Variants in NCAM2 observed in about 807,000 individuals in gnomAD.
NCAM2 encodes the protein neural cell adhesion molecule 2.
In NCAM2, 30 loss-of-function variants were observed where a neutral mutation model predicts 98.1. That is an observed-to-expected ratio of 0.31 (90% confidence interval 0.23 to 0.41). The LOEUF is 0.41. Among genes scored for constraint, NCAM2 ranks in the 10% least tolerant of loss-of-function variants. NCAM2 has a pLI of 1.00. For synonymous variants in NCAM2, 368 were observed against 342.4 expected (o/e 1.07, Z -0.83); for missense variants, 867 against 1,005.8 (o/e 0.86, Z 1.87).
chr21:21,138,436 A>G (rs2826689), intron 1 of NCAM2, among the ~76,000 whole-genome samples: 54,899 of 151,592 alleles, frequency 0.36, 9,936 homozygotes, highest in East Asian at 0.42. Context: ...TGATTACAGT[A>G]GTCGTAGTTC....
At chr21:21,526,969 T>C (rs950801168) in intron 16 of NCAM2, among the ~76,000 whole-genome samples, 1 of 152,128 alleles carries the variant, frequency 6.6e-6, no homozygotes, top group Non-Finnish European at 1.5e-5. Flanking sequence ...TCATAAAAAT[T>C]AACTCAAAAT....
intron 15 of NCAM2, among the ~76,000 whole-genome samples, chr21:21,490,886 T>A (rs1986796900): frequency 6.6e-6 from 1 of 151,884 alleles, no homozygotes; most frequent in Non-Finnish European, 1.5e-5. Context: ...CTGTGTGTAA[T>A]CCTATGCGTG....
chr21:21,438,978 C>G (rs1039487234), intron 12 of NCAM2, among the ~76,000 whole-genome samples: 2 of 151,966 alleles, frequency 1.3e-5, no homozygotes, highest in African/African-American at 2.4e-5. Flanking sequence ...CTCAGCTACT[C>G]AGGAGGCTGA....
intron 1 of NCAM2, among the ~76,000 whole-genome samples, chr21:21,044,969 T>C (rs531490141): frequency 7.9e-5 from 12 of 152,276 alleles, no homozygotes; most frequent in African/African-American, 2.9e-4. Context: ...GATACAAATA[T>C]ATATGTGTGT....
chr21:21,403,857 A>G (rs74630257), intron 9 of NCAM2, among the ~76,000 whole-genome samples: 8,780 of 152,238 alleles, frequency 0.058, 305 homozygotes, highest in East Asian at 0.12. Context: ...TTAATTCTAA[A>G]CAAGTTATTG....
At chr21:21,367,943 C>T (rs887587447) in intron 8 of NCAM2, among the ~76,000 whole-genome samples, 2 of 151,878 alleles carry the variant, frequency 1.3e-5, no homozygotes, top group Non-Finnish European at 2.9e-5. Context: ...TATAAATACT[C>T]AGGTCATGTT....
chr21:21,313,845 T>C (rs1366824315), intron 5 of NCAM2, among the ~76,000 whole-genome samples: 1 of 152,080 alleles, frequency 6.6e-6, no homozygotes, highest in Non-Finnish European at 1.5e-5. Context: ...ATATCTGTTT[T>C]CACAATTTGT....
At chr21:21,123,762 A>T (rs1349186570) in intron 1 of NCAM2, among the ~76,000 whole-genome samples, 1 of 149,892 alleles carries the variant, frequency 6.7e-6, no homozygotes, top group Non-Finnish European at 1.5e-5. Flanking sequence ...CAACCTTATG[A>T]TTTAGGTGTT....
At position 21,469,388 on chromosome 21, in the gene NCAM2, T is replaced by A. The variant is rs1364529254; in HGVS notation, c.1896+605T>A. On this transcript the variant is annotated intron_variant, in intron 14 of 17. Coordinates refer to ENST00000400546, the MANE Select transcript of NCAM2 (RefSeq NM_004540.5). The stretch of plus-strand genomic sequence containing the variant: ...TAGAGTGACACTATGGACAACTGCG[T>A]TTTGCCTTCAGAAAAGATGATTTCA... Among the ~76,000 whole-genome samples, 45 of 151,990 alleles carry A rather than the reference T, an allele frequency of 3.0e-4. 1 individual carries two copies. Among genetic ancestry groups the A allele is most frequent in the Admixed American group, 3.0e-3 (45 of 15,222 alleles).
chr21:21,528,375 T>C (rs748833576), intron 16 of NCAM2, among the ~76,000 whole-genome samples: 3 of 152,098 alleles, frequency 2.0e-5, no homozygotes, highest in Non-Finnish European at 2.9e-5. Context: ...CAAGGTAGGT[T>C]CATTGATTGT....
chr21:21,311,436 G>A (rs1044996657), intron 5 of NCAM2, among the ~76,000 whole-genome samples: 2 of 148,690 alleles, frequency 1.3e-5, no homozygotes, highest in African/African-American at 2.5e-5. Flanking sequence ...TGCCTGCTGG[G>A]TTCACGCCAT....
Position 21,110,304 on chromosome 21 carries a change from G to A in NCAM2, c.55+111686G>A, listed in dbSNP as rs1340195448. On this transcript the variant is annotated intron_variant, in intron 1 of 17. Coordinates refer to ENST00000400546, the MANE Select transcript of NCAM2 (RefSeq NM_004540.5). ...TTTGGCAGCATGCTTGATATTTCAG[G>A]GCTTGGGAAAACCACCTAAACAACT... Among the ~76,000 whole-genome samples, 5 of 152,036 alleles carry A rather than the reference G, an allele frequency of 3.3e-5. No individual in the cohort carries two copies. The East Asian group carries it at 7.8e-4, about 24-fold the overall frequency.
intron 10 of NCAM2, among the ~76,000 whole-genome samples, chr21:21,413,759 C>G (rs1046997824): frequency 6.6e-6 from 1 of 152,062 alleles, no homozygotes; most frequent in Non-Finnish European, 1.5e-5. Context: ...AGCGTTTTGT[C>G]GCAAGGTTGA....
chr21:21,477,384 G>T lies in NCAM2; in HGVS notation c.1990G>T (p.Val664Phe), dbSNP rs1276936513. 1.2e-6 allele frequency: 2 copies of T among 1,612,772 alleles called. No individual in the cohort carries two copies. Among genetic ancestry groups the T allele is most frequent in the Non-Finnish European group, 1.7e-6 (2 of 1,179,110 alleles). ...TCTCCAGTGGACCATGGGGTATGAA[G>T]TTCAGATTACAGCTGCCAATAGATT... ...EHLQWTMGYE[V>F]QITAANRLGY... Residue 664 changes from valine to phenylalanine, a missense_variant, in exon 15 of 18, where the codon GTT becomes TTT. Coordinates refer to ENST00000400546, the MANE Select transcript of NCAM2 (RefSeq NM_004540.5).
chr21:21,470,772 A>G (rs1214568000), intron 14 of NCAM2, among the ~76,000 whole-genome samples: 1 of 151,382 alleles, frequency 6.6e-6, no homozygotes, highest in East Asian at 1.9e-4. Context: ...ATTAATTCAT[A>G]CATAACTATA....
At chr21:21,178,338 C>T (rs2068361389) in intron 1 of NCAM2, among the ~76,000 whole-genome samples, 1 of 152,104 alleles carries the variant, frequency 6.6e-6, no homozygotes, top group Admixed American at 6.5e-5. Flanking sequence ...ATGACTAGTT[C>T]AGCTAGTGGT....
At chr21:21,191,945 G>A (rs1258520140) in intron 1 of NCAM2, among the ~76,000 whole-genome samples, 1 of 152,128 alleles carries the variant, frequency 6.6e-6, no homozygotes, top group Admixed American at 6.6e-5. Flanking sequence ...AGAGAGGCTG[G>A]GTGCGGTGGC....
At chr21:21,191,176 A>T (rs2068809532) in intron 1 of NCAM2, among the ~76,000 whole-genome samples, 1 of 152,204 alleles carries the variant, frequency 6.6e-6, no homozygotes, top group South Asian at 2.1e-4. Flanking sequence ...TTTGGGAGAA[A>T]TATACAGAAC....
chr21:21,188,389 A>G (rs1371256654), intron 1 of NCAM2, among the ~76,000 whole-genome samples: 1 of 152,180 alleles, frequency 6.6e-6, no homozygotes, highest in Non-Finnish European at 1.5e-5. Context: ...TTATGGTATA[A>G]TTACATATCC....
Sources: gnomAD v4.1 joint callset for allele counts (sites outside exome capture counted in the v4.1 genomes callset) on GRCh38, gnomAD v4.1.1 for gene constraint, MANE v1.5 for transcripts, NCBI Gene and HGNC (gene_info 2026-07-23, HGNC 2026-07-21) for gene names.